EYS: variants seen among roughly 807,000 people sequenced by gnomAD.
The protein encoded by EYS is protein eyes shut homolog.
A neutral mutation model predicts 282.1 loss-of-function variants in EYS; 250 were observed. That is an observed-to-expected ratio of 0.89 (90% CI 0.80 to 0.98). EYS has a LOEUF of 0.98. EYS is among the 50% of genes least tolerant of loss of function. The pLI, the probability that EYS is intolerant of heterozygous loss-of-function variation, is 0.00. For missense variants in EYS, 4,016 were observed against 3,709.0 expected (o/e 1.08, Z -2.15); for synonymous variants, 1,355 against 1,282.9 (o/e 1.06, Z -1.20).
intron 35 of EYS, among the ~76,000 whole-genome samples, chr6:63,892,702 A>G (rs1773439108): frequency 6.6e-6 from 1 of 152,356 alleles, no homozygotes; most frequent in East Asian, 1.9e-4. Flanking sequence ...ACCAAAAGCA[A>G]TTGTAACAAA....
intron 10 of EYS, among the ~76,000 whole-genome samples, chr6:65,338,802 GTATA>G (rs1184031602): frequency 6.6e-6 from 1 of 150,944 alleles, no homozygotes; most frequent in Non-Finnish European, 1.5e-5. Flanking sequence ...TACTAGTAAT[GTATA>G]TACATAACAC....
chr6:64,724,520 G>A (rs969254457), intron 22 of EYS, among the ~76,000 whole-genome samples: 2 of 152,120 alleles, frequency 1.3e-5, no homozygotes, highest in African/African-American at 4.8e-5. Context: ...AAAGCCATGT[G>A]CTGCTCAAAC....
chr6:64,701,519 A>G (rs894169438), intron 22 of EYS, among the ~76,000 whole-genome samples: 5 of 152,084 alleles, frequency 3.3e-5, no homozygotes, highest in African/African-American at 4.8e-5. Context: ...TTGCAGCACT[A>G]TTCACATGCC....
At chr6:64,269,125 A>C (rs557804405) in intron 30 of EYS, among the ~76,000 whole-genome samples, 2 of 152,256 alleles carry the variant, frequency 1.3e-5, no homozygotes, top group South Asian at 4.1e-4. Flanking sequence ...TTGTCTACCA[A>C]CTAGGCTATG....
intron 22 of EYS, among the ~76,000 whole-genome samples, chr6:64,802,297 C>T (rs533149959): frequency 2.0e-5 from 3 of 151,716 alleles, no homozygotes; most frequent in Non-Finnish European, 4.4e-5. Context: ...ATGATCCATC[C>T]GCCTCGGCTT....
rs754508482 is a variant in EYS, at chr6:63,992,045, A to T, written c.6834+7030T>A. 1.2e-3 allele frequency among the ~76,000 whole-genome samples: 186 copies of T among 151,956 alleles called. 10 individuals are homozygous for T. In the Middle Eastern group the frequency reaches 0.017, roughly 14 times the overall value. On this transcript the variant is annotated intron_variant, in intron 34 of 42. Coordinates refer to ENST00000503581, the MANE Select transcript of EYS (RefSeq NM_001142800.2). The stretch of plus-strand genomic sequence containing the variant: ...GACATAAAGACTTTCCCCATAAACA[A>T]AAACTGAGGAATTTAATCATTACAT...
intron 30 of EYS, among the ~76,000 whole-genome samples, chr6:64,295,704 G>A (rs948009403): frequency 1.5e-5 from 2 of 130,736 alleles, no homozygotes; most frequent in Admixed American, 1.6e-4. Flanking sequence ...ACTCCAGCCT[G>A]GCTGACTGAG....
At chr6:64,018,518 AT>A (rs1769003805) in intron 33 of EYS, among the ~76,000 whole-genome samples, 1 of 152,118 alleles carries the variant, frequency 6.6e-6, no homozygotes, top group Non-Finnish European at 1.5e-5. Flanking sequence ...ATAGCAAAAA[AT>A]TTTTTGTGGT....
intron 5 of EYS, among the ~76,000 whole-genome samples, chr6:65,465,566 T>G (rs1218569651): frequency 6.6e-6 from 1 of 152,000 alleles, no homozygotes; most frequent in Non-Finnish European, 1.5e-5. Context: ...AAGTTAGAAT[T>G]TATAGACAAA....
At chr6:64,666,928 TTGTG>T (rs1769252088) in intron 22 of EYS, among the ~76,000 whole-genome samples, 1 of 152,168 alleles carries the variant, frequency 6.6e-6, no homozygotes, top group South Asian at 2.1e-4. Flanking sequence ...TCCTAGACTT[TTGTG>T]TTTTTGTTTT....
At chr6:64,996,652 G>A (rs1771274018) in intron 14 of EYS, among the ~76,000 whole-genome samples, 1 of 152,166 alleles carries the variant, frequency 6.6e-6, no homozygotes, top group Non-Finnish European at 1.5e-5. Context: ...TCTGTTTCTG[G>A]TCATGGATAT....
At chr6:65,224,591 C>T (rs923196700) in intron 12 of EYS, among the ~76,000 whole-genome samples, 1 of 147,840 alleles carries the variant, frequency 6.8e-6, no homozygotes. Context: ...AAATGAAATA[C>T]GATAGAGAGA....
At chr6:65,594,317 C>T (rs1444285358) in intron 2 of EYS, among the ~76,000 whole-genome samples, 3 of 151,886 alleles carry the variant, frequency 2.0e-5, no homozygotes, top group Non-Finnish European at 4.4e-5. Context: ...AGCAGATGAG[C>T]CTGAACAAAA....
chr6:65,384,290 C>T (rs1157067631), intron 8 of EYS, 96 bp downstream of exon 8: 1 of 726,178 alleles, frequency 1.4e-6, no homozygotes, highest in African/African-American at 1.7e-5. Context: ...ATATGTTTCT[C>T]TGGCTAAGAT....
rs1211856182 is a variant in EYS at position 63,721,047 on chromosome 6, A to G, written c.8984T>C (p.Ile2995Thr). The change falls in exon 43 of 43, where the codon ATT becomes ACT. Residue 2995 changes from isoleucine (I) to threonine (T), a missense_variant. Coordinates refer to ENST00000503581, the MANE Select transcript of EYS (RefSeq NM_001142800.2). ...NFSTTKTEGL[I>T]VWMGIAQNEE... The stretch of plus-strand genomic sequence containing the variant: ...ATTTTGAGCTATTCCCATCCATACA[A>G]TTAGACCTTCTGTTTTAGTGGTACT... 6.4e-7 allele frequency: 1 copy of G among 1,551,366 alleles called. No individual in the cohort carries two copies. Among genetic ancestry groups the G allele is most frequent in the Admixed American group, 2.0e-5 (1 of 50,984 alleles).
At chr6:64,173,474 T>C (rs1280556028) in intron 31 of EYS, among the ~76,000 whole-genome samples, 1 of 152,178 alleles carries the variant, frequency 6.6e-6, no homozygotes, top group African/African-American at 2.4e-5. Flanking sequence ...CAGAGTTTCA[T>C]GTGAAAACTT....
chr6:65,546,364 T>G (rs941786376), intron 2 of EYS, among the ~76,000 whole-genome samples: 2 of 151,766 alleles, frequency 1.3e-5, no homozygotes, highest in African/African-American at 2.4e-5. Context: ...GGTCATTAAT[T>G]ACATTGAAAA....
At chr6:64,989,536 T>C (rs889549278) in intron 14 of EYS, among the ~76,000 whole-genome samples, 201 of 137,564 alleles carry the variant, frequency 1.5e-3, no homozygotes, top group African/African-American at 5.3e-3. Flanking sequence ...ATATATATTA[T>C]GTTATAATAT....
At chr6:64,632,909 A>C (rs552712441) in intron 22 of EYS, among the ~76,000 whole-genome samples, 4 of 152,146 alleles carry the variant, frequency 2.6e-5, no homozygotes, top group Non-Finnish European at 5.9e-5. Context: ...AACTCATTTC[A>C]TTGCTTTGTT....
Sources: gnomAD v4.1 joint callset for allele counts (sites outside exome capture counted in the v4.1 genomes callset) on GRCh38, gnomAD v4.1.1 for gene constraint, MANE v1.5 for transcripts, NCBI Gene and HGNC (gene_info 2026-07-23, HGNC 2026-07-21) for gene names.